The following UGT1A10 variants were observed in gnomAD, a reference collection of about 807,000 sequenced individuals.
UGT1A10 encodes the protein UDP-glucuronosyltransferase 1A10.
Under a neutral mutation model 45.8 loss-of-function variants are expected in UGT1A10, and 49 were observed. The observed-to-expected ratio is 1.07, with a 90% confidence interval of 0.85 to 1.36. The LOEUF (loss-of-function observed/expected upper bound fraction) is 1.36, where lower values mean the gene tolerates loss of function less well. Among genes scored for constraint, UGT1A10 ranks in the 40% most tolerant of loss-of-function variants. The pLI, the probability that UGT1A10 is intolerant of heterozygous loss-of-function variation, is 0.00. For missense variants in UGT1A10, 745 were observed against 668.6 expected (o/e 1.11, Z -1.26); for synonymous variants, 284 against 249.7 (o/e 1.14, Z -1.29).
In UGT1A10 at chr2:233,767,938, T is replaced by G. The variant is rs779261748; in HGVS notation, c.1075+2T>G. The G allele has an allele frequency of 6.2e-7, 1 of 1,614,194 alleles. No individual in the cohort carries two copies. Among genetic ancestry groups the G allele is most frequent in the South Asian group, 1.1e-5 (1 of 91,090 alleles). ...GGCTACCCCAAAACGATCTGCTTGG[T>G]ATGTTGGGCGGATTGGATGTATAGG... On this transcript the variant is annotated splice_donor_variant, in intron 3 of 4. Transcript: ENST00000344644. LOFTEE classifies it high-confidence loss of function.
chr2:233,719,549 G>A (rs1246410052), intron 1 of UGT1A10: 1 of 1,613,938 alleles, frequency 6.2e-7, no homozygotes, highest in African/African-American at 1.3e-5. Context: ...AGAGAGAGGT[G>A]TCAGTGGTGG....
intron 1 of UGT1A10, chr2:233,743,521 C>T (rs777952241): frequency 4.4e-6 from 6 of 1,367,160 alleles, no homozygotes; most frequent in Non-Finnish European, 5.9e-6. Flanking sequence ...TCTGCTTCTG[C>T]TTCCCCAGCA....
chr2:233,719,170 T>G, intron 1 of UGT1A10: 1 of 1,614,246 alleles, frequency 6.2e-7, no homozygotes, highest in Non-Finnish European at 8.5e-7. Flanking sequence ...ATGGCAATTA[T>G]GAACAATGTA....
At chr2:233,713,015 C>T (rs777835702) in intron 1 of UGT1A10, 5 of 1,613,700 alleles carry the variant, frequency 3.1e-6, no homozygotes, top group South Asian at 1.1e-5. Context: ...TCCAGGTTCC[C>T]CTGCCGCAGC....
At chr2:233,761,247 T>C (rs1300927004) in intron 1 of UGT1A10, 16 of 1,609,136 alleles carry the variant, frequency 9.9e-6, no homozygotes, top group African/African-American at 1.3e-5. Flanking sequence ...GAGCAAGCAT[T>C]CTGAGATAAT....
In UGT1A10 at chr2:233,733,915, C is replaced by T. The variant is rs114264669; in HGVS notation, c.856-33119C>T. On this transcript the variant is annotated intron_variant, in intron 1 of 4. Coordinates refer to ENST00000344644, the MANE Select transcript of UGT1A10 (RefSeq NM_019075.4). ...CTGTTTGTACCTCTCTGGTAGAATT[C>T]GGCTGTGAGGAAGGGGAACATCACA... is the stretch of plus-strand genomic sequence containing the variant. Among the ~76,000 whole-genome samples, 1,498 of 151,134 alleles carry T rather than the reference C, an allele frequency of 9.9e-3. 23 individuals are homozygous for T. The highest frequency in any genetic ancestry group is 0.035 in the African/African-American group (1,427 of 41,026).
At chr2:233,688,257 A>G (rs2074884788) in intron 1 of UGT1A10, among the ~76,000 whole-genome samples, 1 of 152,228 alleles carries the variant, frequency 6.6e-6, no homozygotes, top group Non-Finnish European at 1.5e-5. Context: ...ATTCCTTTAC[A>G]TGGCCGAATA....
chr2:233,721,861 C>G, intron 1 of UGT1A10: 1 of 507,540 alleles, frequency 2.0e-6, no homozygotes, highest in South Asian at 1.4e-5. Context: ...CTGCTCGGCC[C>G]TGGGCACACT....
At chr2:233,716,682 A>G (rs1247523316) in intron 1 of UGT1A10, among the ~76,000 whole-genome samples, 2 of 152,204 alleles carry the variant, frequency 1.3e-5, no homozygotes, top group Non-Finnish European at 2.9e-5. Context: ...CCCAAGATAT[A>G]GTTTCTACAT....
chr2:233,708,981 C>T (rs1463866710), intron 1 of UGT1A10, among the ~76,000 whole-genome samples: 1 of 152,110 alleles, frequency 6.6e-6, no homozygotes, highest in African/African-American at 2.4e-5. Context: ...TCTGTTTCCT[C>T]GGCCGTGGCA....
At chr2:233,713,063 C>G in intron 1 of UGT1A10, 2 of 1,614,158 alleles carry the variant, frequency 1.2e-6, no homozygotes, top group Non-Finnish European at 1.7e-6. Context: ...GTGTCCAGCC[C>G]TGGGCTGAGA....
intron 1 of UGT1A10, chr2:233,730,029 G>A: frequency 6.2e-7 from 1 of 1,613,388 alleles, no homozygotes. Context: ...CAATGTTCCA[G>A]GCAAAACACT....
intron 1 of UGT1A10, among the ~76,000 whole-genome samples, chr2:233,695,470 T>C (rs763759412): frequency 6.6e-6 from 1 of 151,968 alleles, no homozygotes; most frequent in Non-Finnish European, 1.5e-5. Context: ...ATTGGCCCTT[T>C]AGATGTTTTT....
At chr2:233,697,618 G>T (rs1039414753) in intron 1 of UGT1A10, among the ~76,000 whole-genome samples, 1 of 150,320 alleles carries the variant, frequency 6.7e-6, no homozygotes, top group Admixed American at 6.6e-5. Context: ...CAAAGTTTGA[G>T]TTTGGTTTAC....
intron 1 of UGT1A10, among the ~76,000 whole-genome samples, chr2:233,726,972 A>C (rs1406069474): frequency 6.6e-6 from 1 of 152,130 alleles, no homozygotes; most frequent in Admixed American, 6.5e-5. Flanking sequence ...CAAAAGTTTT[A>C]GATTTTGATG....
At chr2:233,697,336 T>C (rs2075385854) in intron 1 of UGT1A10, among the ~76,000 whole-genome samples, 1 of 152,124 alleles carries the variant, frequency 6.6e-6, no homozygotes, top group East Asian at 1.9e-4. Context: ...ATGTATCCAT[T>C]TCCTCTAGGT....
At chr2:233,737,682 C>T (rs555307155) in intron 1 of UGT1A10, among the ~76,000 whole-genome samples, 163 of 152,234 alleles carry the variant, frequency 1.1e-3, no homozygotes, top group Non-Finnish European at 1.9e-3. Flanking sequence ...CCTATTTGGC[C>T]ATTGGTGCTG....
chr2:233,653,221 G>A (rs1163570284), intron 1 of UGT1A10, among the ~76,000 whole-genome samples: 4 of 152,148 alleles, frequency 2.6e-5, no homozygotes, highest in East Asian at 1.9e-4. Context: ...ATCTGTTTAC[G>A]TTTTAAAAGG....
intron 1 of UGT1A10, chr2:233,682,089 G>A: frequency 1.2e-6 from 2 of 1,614,054 alleles, no homozygotes; most frequent in South Asian, 2.2e-5. Context: ...CTCATCCTCA[G>A]GGGGCATGAG....
Sources: gnomAD v4.1 joint callset for allele counts (sites outside exome capture counted in the v4.1 genomes callset) on GRCh38, gnomAD v4.1.1 for gene constraint, MANE v1.5 for transcripts, NCBI Gene and HGNC (gene_info 2026-07-23, HGNC 2026-07-21) for gene names.